Variants in ATAD2B observed in about 807,000 individuals in gnomAD.
ATAD2B encodes ATPase family AAA domain containing 2B, also known as ATPase family AAA domain-containing protein 2B.
Under a neutral mutation model 167.6 loss-of-function variants are expected in ATAD2B, and 40 were observed. The ratio of observed to expected loss-of-function variants is 0.24; its 90% CI spans 0.19 to 0.31. The LOEUF (loss-of-function observed/expected upper bound fraction) is 0.31, where lower values mean the gene tolerates loss of function less well. ATAD2B is among the 10% of genes least tolerant of loss of function. ATAD2B has a pLI of 1.00. For missense variants in ATAD2B, 1,242 were observed against 1,757.2 expected (o/e 0.71, Z 5.24); for synonymous variants, 579 against 596.5 (o/e 0.97, Z 0.43).
Position 23,757,066 on chromosome 2 carries a change from C to A in ATAD2B, c.4078+352G>T, listed in dbSNP as rs868080914. 2.0e-5 allele frequency among the ~76,000 whole-genome samples: 3 copies of A among 152,130 alleles called. No individual in the cohort carries two copies. In the South Asian group the frequency reaches 6.2e-4, roughly 31 times the overall value. On this transcript the variant is annotated intron_variant, in intron 25 of 27. Coordinates refer to ENST00000238789, the MANE Select transcript of ATAD2B (RefSeq NM_017552.4). ...CCACACCCAGCCCATGCCAATAATTCTTCTTGGAATTCCATCTTCTTAACA... is the reference window on the plus strand; with the variant it reads ...CCACACCCAGCCCATGCCAATAATTATTCTTGGAATTCCATCTTCTTAACA...
intron 8 of ATAD2B, chr2:23,872,474 T>TC (rs1573161707): frequency 2.7e-6 from 2 of 743,064 alleles, no homozygotes; most frequent in Non-Finnish European, 4.9e-6. Context: ...AGCACCCATT[T>TC]CCCCTCTTTT....
the ATAD2B span, among the ~76,000 whole-genome samples, chr2:23,728,655 A>G: frequency 6.6e-6 from 1 of 152,230 alleles, no homozygotes; most frequent in Non-Finnish European, 1.5e-5. Flanking sequence ...TCCTCAGTCT[A>G]AAGACAAAAA....
At chr2:23,864,983 T>G in intron 10 of ATAD2B, 59 bp from the exon 11 acceptor site, 1 of 1,011,122 alleles carries the variant, frequency 9.9e-7, no homozygotes, top group Non-Finnish European at 1.4e-6. Flanking sequence ...ATAGAATTTT[T>G]AAAATTTATA....
chr2:23,890,403 G>A (rs976640250), intron 2 of ATAD2B, among the ~76,000 whole-genome samples: 3 of 151,964 alleles, frequency 2.0e-5, no homozygotes, highest in African/African-American at 4.8e-5. Context: ...TAGCACCACT[G>A]TATACAATGC....
intron 3 of ATAD2B, 45 bp from the exon 4 acceptor site, chr2:23,888,030 A>G (rs767500132): frequency 5.0e-6 from 7 of 1,403,918 alleles, no homozygotes; most frequent in Admixed American, 3.7e-5. Context: ...AGAATACAGA[A>G]AGACAGAAAA....
intron 1 of ATAD2B, among the ~76,000 whole-genome samples, chr2:23,907,312 T>C (rs946607659): frequency 7.9e-5 from 12 of 152,026 alleles, no homozygotes; most frequent in African/African-American, 2.9e-4. Context: ...CAAGCATTCT[T>C]ATACACCAAC....
In ATAD2B at chr2:23,874,454, C is replaced by A. The variant is rs929836950; in HGVS notation, c.977+1375G>T. Among the ~76,000 whole-genome samples the A allele has an allele frequency of 4.6e-5, 7 of 152,120 alleles. No individual in the cohort carries two copies. In the East Asian group the frequency reaches 1.3e-3, roughly 29 times the overall value. On this transcript the variant is annotated intron_variant, in intron 8 of 27. Coordinates refer to ENST00000238789, the MANE Select transcript of ATAD2B (RefSeq NM_017552.4). ...AAAAGCTTGGCTGGGCACAGTAGCT[C>A]ATGCCTGTAATCCCAGCACTTTGGG...
chr2:23,785,176 CA>C (rs1680638723), intron 21 of ATAD2B, among the ~76,000 whole-genome samples: 1 of 151,998 alleles, frequency 6.6e-6, no homozygotes, highest in East Asian at 1.9e-4. Context: ...GGTATCTGCT[CA>C]GGTCCAAAAG....
intron 21 of ATAD2B, among the ~76,000 whole-genome samples, chr2:23,783,806 A>C (rs181387870): frequency 1.3e-5 from 2 of 152,156 alleles, no homozygotes; most frequent in Non-Finnish European, 2.9e-5. Context: ...TAGGTTTGCT[A>C]TAACAGCAGT....
chr2:23,745,923 G>A (rs1365446214), downstream of ATAD2B, among the ~76,000 whole-genome samples: 1 of 152,198 alleles, frequency 6.6e-6, no homozygotes, highest in African/African-American at 2.4e-5. Context: ...TTTGGCAGTT[G>A]CTCAAATAAA....
Position 23,857,775 on chromosome 2 carries a change from T to G in ATAD2B, c.1480-272A>C, listed in dbSNP as rs1003678054. ...TTTTTTTTTTGAGACGGAGTCTCGC[T>G]CTGTCACCCAGGCTGAAGTGCAGTG... On this transcript the variant is annotated intron_variant, in intron 12 of 27. Transcript: ENST00000238789. Among the ~76,000 whole-genome samples, 5 of 137,912 alleles carry G rather than the reference T, an allele frequency of 3.6e-5. No homozygotes were observed. The East Asian group carries it at 1.1e-3, about 31-fold the overall frequency. The allele number at this position is 137,912 out of a possible 152,430, so 90.5% of individuals were successfully genotyped here.
Position 23,885,834 on chromosome 2 carries a change from A to G in ATAD2B, c.573-5T>C. The G allele has an allele frequency of 6.6e-7, 1 of 1,520,086 alleles. No individual in the cohort carries two copies. The highest frequency in any genetic ancestry group is 9.0e-7 in the Non-Finnish European group (1 of 1,113,614). 94.2% of individuals were successfully genotyped at this position (1,520,086 alleles called of 1,614,324 possible). ...TGTAGTACAGCTTCAGCAGTGCTAC[A>G]ATCACATAATAAAATCAGGATTTAG... On this transcript the variant is annotated splice_polypyrimidine_tract_variant and splice_region_variant and intron_variant, in intron 4 of 27. Coordinates refer to ENST00000238789, the MANE Select transcript of ATAD2B (RefSeq NM_017552.4).
chr2:23,691,431 T>C, the ATAD2B span: 1 of 564,938 alleles, frequency 1.8e-6, no homozygotes, highest in Non-Finnish European at 3.2e-6. Flanking sequence ...GATTTGCATC[T>C]TTTTTTGCAT....
chr2:23,822,580 C>G (rs1687608528), intron 16 of ATAD2B, among the ~76,000 whole-genome samples: 1 of 151,606 alleles, frequency 6.6e-6, no homozygotes, highest in African/African-American at 2.4e-5. Flanking sequence ...TCTCCCACTC[C>G]CCTGCTCTAT....
chr2:23,820,219 C>T (rs1488564978), intron 16 of ATAD2B, among the ~76,000 whole-genome samples: 2 of 151,634 alleles, frequency 1.3e-5, no homozygotes, highest in African/African-American at 4.8e-5. Context: ...TAATTTTGAC[C>T]AAAACCAGTC....
At chr2:23,795,527 A>G (rs1682461836) in intron 19 of ATAD2B, among the ~76,000 whole-genome samples, 1 of 152,110 alleles carries the variant, frequency 6.6e-6, no homozygotes, top group Non-Finnish European at 1.5e-5. Flanking sequence ...TCATTCATTC[A>G]CCAAATATTT....
intron 13 of ATAD2B, among the ~76,000 whole-genome samples, chr2:23,850,602 C>CA (rs1192100413): frequency 6.6e-6 from 1 of 151,892 alleles, no homozygotes; most frequent in East Asian, 1.9e-4. Flanking sequence ...CTGGAAAAGG[C>CA]AAAATTATGG....
At chr2:23,740,003 A>G in the ATAD2B span, among the ~76,000 whole-genome samples, 1 of 152,246 alleles carries the variant, frequency 6.6e-6, no homozygotes, top group African/African-American at 2.4e-5. Flanking sequence ...TAAACCAGGA[A>G]GAAGTTGAAC....
intron 19 of ATAD2B, among the ~76,000 whole-genome samples, chr2:23,790,396 C>T (rs1681492398): frequency 2.0e-5 from 3 of 152,090 alleles, no homozygotes; most frequent in Admixed American, 2.0e-4. Context: ...ACTTAATATC[C>T]TAGACGTACC....
Sources: gnomAD v4.1 joint callset for allele counts (sites outside exome capture counted in the v4.1 genomes callset) on GRCh38, gnomAD v4.1.1 for gene constraint, MANE v1.5 for transcripts, NCBI Gene and HGNC (gene_info 2026-07-23, HGNC 2026-07-21) for gene names.